The following AGMO variants were observed in gnomAD, a reference collection of about 807,000 sequenced individuals.
AGMO encodes alkylglycerol monooxygenase.
AGMO carries 75 observed loss-of-function variants against 60.2 expected under a neutral mutation model. The ratio of observed to expected loss-of-function variants is 1.25; its 90% CI spans 1.03 to 1.51. AGMO has a LOEUF of 1.51. Among genes scored for constraint, AGMO ranks in the 40% most tolerant of loss-of-function variants. The pLI is 0.00. For missense variants in AGMO, 763 were observed against 525.5 expected (o/e 1.45, Z -4.42); for synonymous variants, 261 against 177.1 (o/e 1.47, Z -3.76).
At chr7:15,172,549 T>C in the AGMO span, among the ~76,000 whole-genome samples, 1 of 152,186 alleles carries the variant, frequency 6.6e-6, no homozygotes, top group African/African-American at 2.4e-5. Context: ...GTTATCAAGT[T>C]TCTGATATTT....
intron 3 of AGMO, among the ~76,000 whole-genome samples, chr7:15,510,087 C>G (rs1451194038): frequency 6.6e-6 from 1 of 152,090 alleles, no homozygotes; most frequent in East Asian, 1.9e-4. Context: ...GAAATAAAAC[C>G]AGTATAGGGA....
chr7:15,339,602 G>A (rs1415361542), intron 12 of AGMO, among the ~76,000 whole-genome samples: 1 of 152,166 alleles, frequency 6.6e-6, no homozygotes, highest in African/African-American at 2.4e-5. Flanking sequence ...ATTTTATGCA[G>A]AATGTCAGGG....
chr7:15,306,611 A>AG (rs758295051), intron 12 of AGMO: 1 of 427,560 alleles, frequency 2.3e-6, no homozygotes, highest in Non-Finnish European at 4.7e-6. Flanking sequence ...AATTTGTGTT[A>AG]CCTTGCTAAA....
chr7:15,335,645 G>C (rs1366027580), intron 12 of AGMO, among the ~76,000 whole-genome samples: 4 of 152,128 alleles, frequency 2.6e-5, no homozygotes, highest in African/African-American at 9.7e-5. Flanking sequence ...ACTGCCAAAT[G>C]ACTTGTGTCT....
chr7:15,487,474 A>C (rs1385012140), intron 3 of AGMO, among the ~76,000 whole-genome samples: 1 of 152,126 alleles, frequency 6.6e-6, no homozygotes, highest in African/African-American at 2.4e-5. Flanking sequence ...TTGCACTTTC[A>C]TAATCATTTT....
chr7:15,383,308 A>C (rs960445947), intron 10 of AGMO, among the ~76,000 whole-genome samples: 2 of 152,152 alleles, frequency 1.3e-5, no homozygotes, highest in African/African-American at 4.8e-5. Context: ...ATTCCTGATG[A>C]CATTATTTGC....
At chr7:15,179,257 T>C in the AGMO span, among the ~76,000 whole-genome samples, 21 of 152,192 alleles carry the variant, frequency 1.4e-4, no homozygotes, top group East Asian at 7.8e-4. Context: ...CCAAAGTCCA[T>C]AGTCCAGAGT....
At chr7:15,381,548 A>G (rs1257785565) in intron 10 of AGMO, among the ~76,000 whole-genome samples, 3 of 152,178 alleles carry the variant, frequency 2.0e-5, no homozygotes, top group African/African-American at 7.2e-5. Context: ...GCTTGTGGAG[A>G]TAAAGGAATG....
intron 3 of AGMO, among the ~76,000 whole-genome samples, chr7:15,531,960 C>G (rs932700046): frequency 6.6e-6 from 1 of 151,998 alleles, no homozygotes; most frequent in African/African-American, 2.4e-5. Flanking sequence ...TGAGCCACCA[C>G]CCCTGGCCCA....
chr7:15,206,725 A>G (rs1781449029), intron 12 of AGMO, among the ~76,000 whole-genome samples: 1 of 152,170 alleles, frequency 6.6e-6, no homozygotes, highest in Admixed American at 6.5e-5. Context: ...TCCTTCAATC[A>G]ATAAGTATCT....
intron 12 of AGMO, among the ~76,000 whole-genome samples, chr7:15,219,703 C>G (rs1427760611): frequency 2.6e-5 from 4 of 152,130 alleles, no homozygotes; most frequent in Admixed American, 2.6e-4. Context: ...GGATGAGAGT[C>G]CTGTTAGGAC....
chr7:15,351,128 T>C (rs536184396), intron 12 of AGMO, among the ~76,000 whole-genome samples: 2 of 152,140 alleles, frequency 1.3e-5, no homozygotes, highest in South Asian at 2.1e-4. Flanking sequence ...AGGTTGAATT[T>C]ACTTAGTTAT....
chr7:15,438,003 T>C (rs1781448075), intron 3 of AGMO, among the ~76,000 whole-genome samples: 2 of 152,246 alleles, frequency 1.3e-5, no homozygotes, highest in Admixed American at 6.5e-5. Flanking sequence ...TTATTCGTGT[T>C]CAGATGGAAG....
At chr7:15,152,648 T>A in the AGMO span, among the ~76,000 whole-genome samples, 9 of 152,290 alleles carry the variant, frequency 5.9e-5, no homozygotes, top group African/African-American at 1.9e-4. Flanking sequence ...TCCAATTTCA[T>A]CCAGGTTGCT....
At chr7:15,209,702 C>A (rs1781533980) in intron 12 of AGMO, among the ~76,000 whole-genome samples, 1 of 152,136 alleles carries the variant, frequency 6.6e-6, no homozygotes, top group South Asian at 2.1e-4. Context: ...CATGCCAGAA[C>A]TGGACCCAAG....
chr7:15,213,853 G>A (rs781002998), intron 12 of AGMO, among the ~76,000 whole-genome samples: 5 of 151,948 alleles, frequency 3.3e-5, no homozygotes, highest in Non-Finnish European at 7.4e-5. Context: ...GCAAAGGCAA[G>A]TACTCAAGTA....
chr7:15,511,617 A>G (rs1783675368), intron 3 of AGMO, among the ~76,000 whole-genome samples: 1 of 152,164 alleles, frequency 6.6e-6, no homozygotes, highest in African/African-American at 2.4e-5. Context: ...GAAATTTGCT[A>G]AGAGAATAGA....
At chr7:15,194,630 A>T in the AGMO span, among the ~76,000 whole-genome samples, 1 of 152,196 alleles carries the variant, frequency 6.6e-6, no homozygotes. Flanking sequence ...ATAAGTTGAT[A>T]AACATTTTAT....
chr7:15,412,713 G>C (rs946161661), intron 5 of AGMO, among the ~76,000 whole-genome samples: 1 of 138,498 alleles, frequency 7.2e-6, no homozygotes, highest in Non-Finnish European at 1.5e-5. Flanking sequence ...AAAAAGACAA[G>C]GCTTGCCCTA....
Sources: allele counts gnomAD v4.1 joint callset (sites outside exome capture counted in the v4.1 genomes callset), GRCh38; gene constraint gnomAD v4.1.1; transcripts MANE v1.5; gene names NCBI Gene and HGNC (gene_info 2026-07-23, HGNC 2026-07-21).